SMARCA4: variants seen among roughly 807,000 people sequenced by gnomAD.
SMARCA4 encodes the protein SWI/SNF related BAF chromatin remodeling complex subunit ATPase 4, also known as SWI/SNF-related matrix-associated actin-dependent regulator of chromatin subfamily A member 4.
SMARCA4 carries 31 observed loss-of-function variants against 193.9 expected under a neutral mutation model. That is an observed-to-expected ratio of 0.16 (90% CI 0.12 to 0.22). The LOEUF (loss-of-function observed/expected upper bound fraction) is 0.22, where lower values mean the gene tolerates loss of function less well. Ranked by LOEUF, SMARCA4 falls within the 10% of genes least tolerant of loss-of-function variation. SMARCA4 has a pLI of 1.00. For missense variants in SMARCA4, 1,148 were observed against 2,296.0 expected, an observed-to-expected ratio of 0.50 and a Z score of 10.22; for synonymous variants, 942 against 933.1, an observed-to-expected ratio of 1.01 and a Z score of -0.17.
At chr19:11,036,281 G>A (rs1411842005) in intron 29 of SMARCA4, among the ~76,000 whole-genome samples, 1 of 152,178 alleles carries the variant, frequency 6.6e-6, no homozygotes, top group Non-Finnish European at 1.5e-5. Flanking sequence ...AGTGTCACCG[G>A]CCCTGCATTT....
At chr19:11,021,486 AC>A (rs1198559524) in intron 18 of SMARCA4, 7 of 643,752 alleles carry the variant, frequency 1.1e-5, no homozygotes, top group Admixed American at 4.5e-5. Flanking sequence ...TGCATTGTTC[AC>A]CTGCCAATAG....
In SMARCA4 at chr19:10,986,870, G is replaced by A. The variant is rs746850772; in HGVS notation, c.761-35G>A. 1.0e-5 allele frequency: 16 copies of A among 1,540,626 alleles called. No individual in the cohort carries two copies. The highest frequency in any genetic ancestry group is 2.7e-5 in the African/African-American group (2 of 73,492). Reference sequence around the variant, plus strand: ...CTGGGCGCAGGCATAAACCTGGGACGCACTGTTTTCTCTTTTGTTTCTCCC... The same window carrying A: ...CTGGGCGCAGGCATAAACCTGGGACACACTGTTTTCTCTTTTGTTTCTCCC... On this transcript the variant is annotated intron_variant, in intron 4 of 34. Coordinates refer to ENST00000344626, the MANE Select transcript of SMARCA4 (RefSeq NM_003072.5). The surrounding 1 kb of genome is among the most constrained non-coding windows in gnomAD (Gnocchi z 6.7).
chr19:11,032,709 A>G (rs2075012217), intron 25 of SMARCA4: 3 of 159,008 alleles, frequency 1.9e-5, no homozygotes, highest in Non-Finnish European at 4.2e-5. Flanking sequence ...CGGCACCTGC[A>G]TTGTTGGGAG....
intron 24 of SMARCA4, among the ~76,000 whole-genome samples, chr19:11,029,951 C>T (rs529263581): frequency 2.0e-5 from 3 of 152,322 alleles, no homozygotes; most frequent in Admixed American, 6.5e-5. Context: ...GTTGGGATTA[C>T]AGGCATGAGT....
chr19:11,010,735 C>T lies in SMARCA4; in HGVS notation c.2274+204C>T, dbSNP rs114103057. Reference sequence around the variant, plus strand: ...GGTTAGCTGCCAGGAGGACGTGCAACAGCAGAAAGTCAGTGTCTACTGGGT... The same window carrying T: ...GGTTAGCTGCCAGGAGGACGTGCAATAGCAGAAAGTCAGTGTCTACTGGGT... On this transcript the variant is annotated intron_variant, in intron 15 of 34. Transcript: ENST00000344626. Among the ~76,000 whole-genome samples the T allele has an allele frequency of 1.5e-3, 221 of 152,244 alleles. 1 individual carries two copies. Among genetic ancestry groups the T allele is most frequent in the African/African-American group, 5.2e-3 (214 of 41,542 alleles).
At position 10,966,651 on chromosome 19, in the gene SMARCA4, C is replaced by T. The variant is rs574684967; in HGVS notation, c.-32+5477C>T. On this transcript the variant is annotated intron_variant, in intron 1 of 34. Transcript: ENST00000344626. ...CCTGTATTCCTAGCACTTTGGGAGC[C>T]GAGGCGGGCGGATCGCCTGAGCTCA... Among the ~76,000 whole-genome samples, 14 of 147,496 alleles carry T rather than the reference C, an allele frequency of 9.5e-5. 1 individual carries two copies. The South Asian group carries it at 1.7e-3, about 18-fold the overall frequency.
In SMARCA4 at chr19:11,017,521, C is replaced by G. The variant is rs188439227; in HGVS notation, c.2439-1436C>G. ...ACGGCGTATGGGCATCCGGCTGTGC[C>G]GGCCCTCTCACTGGGAATTGCTGCC... is the stretch of plus-strand genomic sequence containing the variant. On this transcript the variant is annotated intron_variant, in intron 16 of 34. Transcript: ENST00000344626. Among the ~76,000 whole-genome samples, 351 of 152,364 alleles carry G rather than the reference C, an allele frequency of 2.3e-3. 1 individual carries two copies. Among genetic ancestry groups the G allele is most frequent in the African/African-American group, 8.1e-3 (336 of 41,582 alleles).
At chr19:10,982,345 G>A (rs1282110421) in intron 1 of SMARCA4, among the ~76,000 whole-genome samples, 1 of 151,788 alleles carries the variant, frequency 6.6e-6, no homozygotes, top group Non-Finnish European at 1.5e-5. Flanking sequence ...ATGGTGGTGT[G>A]TGCTTGTAAT....
intron 1 of SMARCA4, among the ~76,000 whole-genome samples, chr19:10,981,587 G>C (rs964259583): frequency 2.0e-5 from 3 of 152,206 alleles, no homozygotes; most frequent in Non-Finnish European, 2.9e-5. Context: ...GCCAGCCACT[G>C]GTTCCTCCCC....
chr19:10,983,239 TC>T (rs2085709788), intron 1 of SMARCA4, among the ~76,000 whole-genome samples: 2 of 152,314 alleles, frequency 1.3e-5, no homozygotes, highest in South Asian at 4.1e-4. Context: ...CATATTAGCA[TC>T]TAAAGGAAAA....
intron 23 of SMARCA4, among the ~76,000 whole-genome samples, chr19:11,026,986 G>C (rs2090312476): frequency 6.6e-6 from 1 of 152,112 alleles, no homozygotes; most frequent in Admixed American, 6.5e-5. Context: ...TACATCATGT[G>C]GGTGTTTTCT....
At chr19:11,042,294 T>G (rs1303922419) in intron 30 of SMARCA4, among the ~76,000 whole-genome samples, 1 of 152,246 alleles carries the variant, frequency 6.6e-6, no homozygotes, top group Non-Finnish European at 1.5e-5. Context: ...CGACTCTATA[T>G]GGGTACCATT....
chr19:10,990,120 G>A (rs943006541), intron 7 of SMARCA4, among the ~76,000 whole-genome samples: 14 of 152,178 alleles, frequency 9.2e-5, no homozygotes, highest in Admixed American at 3.3e-4. Context: ...CTCCTGAGTA[G>A]CTGGGACTAT....
At position 11,058,856 on chromosome 19, in the gene SMARCA4, G is replaced by C. The variant is rs757889804; in HGVS notation, c.4602G>C (p.Gln1534His). Residue 1534 changes from glutamine (Q) to histidine (H), a missense_variant, in exon 32 of 35, where the codon CAG (glutamine) becomes CAC (histidine). Physicochemically the swap from Gln to His is conservative, Grantham distance 24. Around this residue, in one of 17 missense-constraint regions of SMARCA4, gnomAD observed 141 missense variants for 193.0 expected, o/e 0.73. Coordinates refer to ENST00000344626, the MANE Select transcript of SMARCA4 (RefSeq NM_003072.5). The surrounding 1 kb of genome is among the most constrained non-coding windows in gnomAD (Gnocchi z 5.8). ...DLEKDVMLLC[Q>H]NAQTFNLEGS... ...AGAAGGACGTCATGCTCCTGTGCCAGAACGCACAGACCTTCAACCTGGAGG... is the reference window on the plus strand; with the variant it reads ...AGAAGGACGTCATGCTCCTGTGCCACAACGCACAGACCTTCAACCTGGAGG... The C allele has an allele frequency of 6.2e-7, 1 of 1,614,134 alleles. No homozygotes were observed. Among genetic ancestry groups the C allele is most frequent in the South Asian group, 1.1e-5 (1 of 91,088 alleles).
In SMARCA4 at chr19:11,003,536, C is replaced by T. The variant is rs916200729; in HGVS notation, c.2001+139C>T. The T allele has an allele frequency of 1.1e-4, 92 of 801,566 alleles. 1 individual carries two copies. The highest frequency in any genetic ancestry group is 2.6e-4 in the Middle Eastern group (1 of 3,782). The allele number at this position is 801,566 out of a possible 1,614,324, so 49.7% of individuals were successfully genotyped here. A position where few individuals can be genotyped will look rare whatever the true frequency, so the allele number is the denominator to read the frequency against. Reference sequence around the variant, plus strand: ...AGCAGGGCCCAGGCCTGCCCGAAGTCGGTGCTTTAGAGCTGTCCTATCCAA... The same window carrying T: ...AGCAGGGCCCAGGCCTGCCCGAAGTTGGTGCTTTAGAGCTGTCCTATCCAA... On this transcript the variant is annotated intron_variant, in intron 13 of 34. Coordinates refer to ENST00000344626, the MANE Select transcript of SMARCA4 (RefSeq NM_003072.5).
At chr19:11,013,688 G>A (rs190409993) in intron 16 of SMARCA4, among the ~76,000 whole-genome samples, 6 of 152,222 alleles carry the variant, frequency 3.9e-5, no homozygotes, top group East Asian at 1.9e-4. Flanking sequence ...CAGGGGAGTC[G>A]CAGGAGACAA....
chr19:11,033,989 G>C lies in SMARCA4; in HGVS notation c.3873+124G>C. On this transcript the variant is annotated intron_variant, in intron 27 of 34. Transcript: ENST00000344626. This position sits in a 1 kb window ranked among gnomAD's most constrained non-coding sequence, Gnocchi z 9.8. The stretch of plus-strand genomic sequence containing the variant: ...GTGCGTGTGTGTGCCTTTCGCTGCC[G>C]TGTGGGTCCCCATCCACCGCAGCCG... The C allele has an allele frequency of 1.3e-6, 1 of 770,272 alleles. No homozygotes were observed. Among genetic ancestry groups the C allele is most frequent in the South Asian group, 1.4e-5 (1 of 73,638 alleles). 47.7% of individuals were successfully genotyped at this position (770,272 alleles called of 1,614,324 possible).
intron 30 of SMARCA4, among the ~76,000 whole-genome samples, chr19:11,054,938 G>T (rs1354415927): frequency 1.3e-5 from 2 of 152,162 alleles, no homozygotes; most frequent in East Asian, 3.9e-4. Context: ...ATCAAAGGTG[G>T]TGGCGCCTAT....
chr19:11,034,039 A>T lies in SMARCA4; in HGVS notation c.3874-84A>T. 1.9e-6 allele frequency: 2 copies of T among 1,056,572 alleles called. No individual in the cohort carries two copies. Among genetic ancestry groups the T allele is most frequent in the South Asian group, 2.5e-5 (2 of 79,990 alleles). 65.4% of individuals were successfully genotyped at this position (1,056,572 alleles called of 1,614,324 possible). A position where few individuals can be genotyped will look rare whatever the true frequency, so the allele number is the denominator to read the frequency against. On this transcript the variant is annotated intron_variant, in intron 27 of 34. Coordinates refer to ENST00000344626, the MANE Select transcript of SMARCA4 (RefSeq NM_003072.5). This position sits in a 1 kb window ranked among gnomAD's most constrained non-coding sequence, Gnocchi z 7.0. Reference sequence around the variant, plus strand: ...GTGCCGGGACCACCAGCTCATTCCCACGGACGCCGCCGCTCGCCTCTGAGC... The same window carrying T: ...GTGCCGGGACCACCAGCTCATTCCCTCGGACGCCGCCGCTCGCCTCTGAGC...
Sources: gnomAD v4.1 joint callset for allele counts (sites outside exome capture counted in the v4.1 genomes callset) on GRCh38, gnomAD v4.1.1 for gene constraint, gnomAD v4.1.1 regional missense constraint, Gnocchi (gnomAD v3.1) non-coding constraint, MANE v1.5 for transcripts, NCBI Gene and HGNC (gene_info 2026-07-23, HGNC 2026-07-21) for gene names.